The following ADGRF5 variants were observed in gnomAD, a reference collection of about 807,000 sequenced individuals.
ADGRF5 encodes the protein G-protein coupled receptor 116.
A neutral mutation model predicts 132.3 loss-of-function variants in ADGRF5; 75 were observed. The ratio of observed to expected loss-of-function variants is 0.57; its 90% confidence interval spans 0.47 to 0.69. The LOEUF is 0.69. Ranked by LOEUF, ADGRF5 falls within the 30% of genes least tolerant of loss-of-function variation. ADGRF5 has a pLI of 0.00. For missense variants in ADGRF5, 1,516 were observed against 1,630.6 expected (o/e 0.93, Z 1.21); for synonymous variants, 629 against 597.6 (o/e 1.05, Z -0.77).
At chr6:46,885,770 T>C (rs1211151663) in intron 4 of ADGRF5, among the ~76,000 whole-genome samples, 1 of 152,236 alleles carries the variant, frequency 6.6e-6, no homozygotes, top group Non-Finnish European at 1.5e-5. Context: ...TGTAGACTAT[T>C]GTAGATATAG....
Position 46,860,938 on chromosome 6 carries a change from T to A in ADGRF5, c.2200-44A>T, listed in dbSNP as rs146846915. Reference sequence around the variant, plus strand: ...ACACAAAAAAAAATTTACCAATCAATTCAGCTATCGAATCCAGCTGATCCA... The same window carrying A: ...ACACAAAAAAAAATTTACCAATCAAATCAGCTATCGAATCCAGCTGATCCA... On this transcript the variant is annotated intron_variant, in intron 15 of 20. Coordinates refer to ENST00000283296, the MANE Select transcript of ADGRF5 (RefSeq NM_001098518.2). The A allele has an allele frequency of 2.5e-4, 377 of 1,486,278 alleles. 1 individual carries two copies. The African/African-American group carries it at 4.8e-3, about 19-fold the overall frequency. The allele number at this position is 1,486,278 out of a possible 1,614,324, so 92.1% of individuals were successfully genotyped here. A position where few individuals can be genotyped will look rare whatever the true frequency, so the allele number is the denominator to read the frequency against.
At chr6:46,886,923 T>C (rs1212852897) in intron 4 of ADGRF5, 1 of 152,192 alleles carries the variant, frequency 6.6e-6, no homozygotes, top group Non-Finnish European at 1.5e-5. Context: ...ACCCCCTCTA[T>C]GTGTGAATGA....
chr6:46,869,080 A>T lies in ADGRF5; in HGVS notation c.1424T>A (p.Ile475Lys). 6.2e-7 allele frequency: 1 copy of T among 1,613,804 alleles called. No homozygotes were observed. The highest frequency in any genetic ancestry group is 8.5e-7 in the Non-Finnish European group (1 of 1,179,794). The change falls in exon 12 of 21, where the codon ATA becomes AAA. Residue 475 changes from isoleucine (I) to lysine (K), a missense_variant. Coordinates refer to ENST00000283296, the MANE Select transcript of ADGRF5 (RefSeq NM_001098518.2). ...VTFISVANLT[I>K]TPDPISVSEG... Reference sequence around the variant, plus strand: ...AGAAACAGAAATTGGGTCCGGGGTTATTGTTAGATTGGCTGAAAAAAAGGC... The same window carrying T: ...AGAAACAGAAATTGGGTCCGGGGTTTTTGTTAGATTGGCTGAAAAAAAGGC...
At chr6:46,942,758 G>C (rs1486650355) in intron 1 of ADGRF5, among the ~76,000 whole-genome samples, 1 of 151,928 alleles carries the variant, frequency 6.6e-6, no homozygotes. Context: ...TTTATCTCTA[G>C]ACTGCTAATA....
chr6:46,931,578 T>C (rs544035479), intron 1 of ADGRF5, among the ~76,000 whole-genome samples: 137 of 152,352 alleles, frequency 9.0e-4, no homozygotes, highest in Admixed American at 2.1e-3. Flanking sequence ...CCTCCTGCCC[T>C]GGCAGTCCCT....
intron 3 of ADGRF5, among the ~76,000 whole-genome samples, chr6:46,889,066 A>C (rs1441281809): frequency 6.6e-6 from 1 of 151,664 alleles, no homozygotes. Flanking sequence ...TCAGCTCTTC[A>C]TTGTTTTTCC....
Position 46,880,615 on chromosome 6 carries a change from C to A in ADGRF5, c.815-576G>T, listed in dbSNP as rs757002089. On this transcript the variant is annotated intron_variant, in intron 8 of 20. Coordinates refer to ENST00000283296, the MANE Select transcript of ADGRF5 (RefSeq NM_001098518.2). Reference sequence around the variant, plus strand: ...TTGGATTTGAATCCTGGTTCTGTCCCACCCATAGCTGTGTGGCCCTGAGGA... The same window carrying A: ...TTGGATTTGAATCCTGGTTCTGTCCAACCCATAGCTGTGTGGCCCTGAGGA... Among the ~76,000 whole-genome samples the A allele has an allele frequency of 4.6e-5, 7 of 152,146 alleles. No individual in the cohort carries two copies. In the East Asian group the frequency reaches 1.4e-3, roughly 29 times the overall value.
upstream of ADGRF5, among the ~76,000 whole-genome samples, chr6:46,926,042 A>G (rs1777228332): frequency 6.6e-6 from 1 of 152,154 alleles, no homozygotes; most frequent in African/African-American, 2.4e-5. Context: ...CTGTCCTTAT[A>G]CAAGGAAGGA....
intron 1 of ADGRF5, among the ~76,000 whole-genome samples, chr6:46,909,862 C>T (rs1283323160): frequency 6.6e-6 from 1 of 151,694 alleles, no homozygotes; most frequent in African/African-American, 2.4e-5. Context: ...TAGCCAGGTG[C>T]ACTGGCATGC....
intron 1 of ADGRF5, among the ~76,000 whole-genome samples, chr6:46,920,760 G>A (rs1776858198): frequency 6.6e-6 from 1 of 152,086 alleles, no homozygotes; most frequent in Non-Finnish European, 1.5e-5. Flanking sequence ...CTGCTTGGGA[G>A]GTTGAGGCAG....
intron 15 of ADGRF5, among the ~76,000 whole-genome samples, chr6:46,862,116 A>T (rs1769825782): frequency 1.3e-5 from 2 of 152,242 alleles, no homozygotes; most frequent in African/African-American, 4.8e-5. Flanking sequence ...ACAAGAGAAG[A>T]GATAGAAGTT....
chr6:46,893,637 G>A (rs1395523642), intron 3 of ADGRF5, among the ~76,000 whole-genome samples: 1 of 152,186 alleles, frequency 6.6e-6, no homozygotes, highest in East Asian at 1.9e-4. Flanking sequence ...TTCTGTGTGT[G>A]TGTTTTGGAT....
intron 15 of ADGRF5, 93 bp downstream of exon 15, chr6:46,862,795 C>T: frequency 3.3e-6 from 2 of 602,080 alleles, no homozygotes; most frequent in African/African-American, 2.1e-5. Context: ...CAACACAAAG[C>T]AGCACCAAAC....
intron 1 of ADGRF5, among the ~76,000 whole-genome samples, chr6:46,953,323 T>C (rs1172287639): frequency 6.6e-6 from 1 of 152,002 alleles, no homozygotes; most frequent in Non-Finnish European, 1.5e-5. Context: ...CAGAGTGCAA[T>C]AGAAATATTT....
intron 1 of ADGRF5, among the ~76,000 whole-genome samples, chr6:46,911,566 G>A (rs1775954006): frequency 1.3e-5 from 2 of 152,078 alleles, no homozygotes; most frequent in Admixed American, 1.3e-4. Flanking sequence ...CAGGCAAAGG[G>A]CTCCCTCACA....
At chr6:46,921,251 G>C (rs548360932) in intron 1 of ADGRF5, among the ~76,000 whole-genome samples, 1 of 152,068 alleles carries the variant, frequency 6.6e-6, no homozygotes, top group African/African-American at 2.4e-5. Context: ...GAAGCTGAGC[G>C]AATAGCCAGG....
At chr6:46,936,144 C>T (rs1431324238) in intron 1 of ADGRF5, among the ~76,000 whole-genome samples, 1 of 152,204 alleles carries the variant, frequency 6.6e-6, no homozygotes, top group Non-Finnish European at 1.5e-5. Flanking sequence ...ACTGCATTCT[C>T]TCCTCACCCC....
chr6:46,953,661 A>ATATATC (rs1561846914), intron 1 of ADGRF5, among the ~76,000 whole-genome samples: 1 of 120,226 alleles, frequency 8.3e-6, no homozygotes, highest in African/African-American at 3.8e-5. Flanking sequence ...GTATATATAT[A>ATATATC]TATATATATA....
chr6:46,880,202 G>A (rs1772294959), intron 8 of ADGRF5, among the ~76,000 whole-genome samples, 163 bp from the exon 9 acceptor site: 1 of 152,222 alleles, frequency 6.6e-6, no homozygotes, highest in Admixed American at 6.5e-5. Flanking sequence ...CATGCAGCTG[G>A]TGTCTGAGCC....
Sources: allele counts gnomAD v4.1 joint callset (sites outside exome capture counted in the v4.1 genomes callset), GRCh38; gene constraint gnomAD v4.1.1; transcripts MANE v1.5; gene names NCBI Gene and HGNC (gene_info 2026-07-23, HGNC 2026-07-21).